RAB43: variants seen among roughly 807,000 people sequenced by gnomAD.
RAB43 encodes ras-related protein Rab-43.
RAB43 carries 6 observed loss-of-function variants against 18.8 expected under a neutral mutation model. That is an observed-to-expected ratio of 0.32 (90% CI 0.17 to 0.63). The LOEUF (loss-of-function observed/expected upper bound fraction) is 0.63. RAB43 is among the 30% of genes least tolerant of loss of function. The probability of loss-of-function intolerance (pLI) is 0.79; values close to 1 mark genes in which losing one functional copy is unlikely to be tolerated. For synonymous variants in RAB43, 103 were observed against 124.1 expected (o/e 0.83, Z 1.13); for missense variants, 195 against 289.1 (o/e 0.67, Z 2.36).
intron 1 of RAB43, among the ~76,000 whole-genome samples, chr3:129,106,326 T>C (rs191776513): frequency 6.6e-6 from 1 of 152,354 alleles, no homozygotes; most frequent in African/African-American, 2.4e-5. Flanking sequence ...CTGGTCAGAC[T>C]GACCCAAATA....
At chr3:129,099,818 A>G (rs1576824833) in intron 1 of RAB43, among the ~76,000 whole-genome samples, 4 of 152,212 alleles carry the variant, frequency 2.6e-5, no homozygotes, top group African/African-American at 9.7e-5. Flanking sequence ...AAAAATCAAT[A>G]AAGAGTTAAT....
chr3:129,094,294 C>T (rs1292089357), intron 2 of RAB43, among the ~76,000 whole-genome samples: 1 of 152,074 alleles, frequency 6.6e-6, no homozygotes, highest in Non-Finnish European at 1.5e-5. Flanking sequence ...GACTTGAGGT[C>T]AGCAGAAGCA....
At chr3:129,108,372 A>G (rs1401803601) in intron 1 of RAB43, among the ~76,000 whole-genome samples, 3 of 152,242 alleles carry the variant, frequency 2.0e-5, no homozygotes, top group Admixed American at 6.5e-5. Flanking sequence ...TTGTCAGGCC[A>G]TGCAGTCCAA....
chr3:129,103,281 T>C (rs1934549337), intron 1 of RAB43, among the ~76,000 whole-genome samples: 3 of 152,090 alleles, frequency 2.0e-5, no homozygotes, highest in African/African-American at 7.2e-5. Flanking sequence ...CTCCAGCCTC[T>C]TACCAGGGTC....
chr3:129,103,710 G>T (rs909580190), intron 1 of RAB43, among the ~76,000 whole-genome samples: 2 of 152,104 alleles, frequency 1.3e-5, no homozygotes, highest in Non-Finnish European at 2.9e-5. Context: ...GATTACAGGT[G>T]TGTGCCACCA....
In RAB43 at chr3:129,095,596, C is replaced by T. The variant is rs1933993828; in HGVS notation, c.205-427G>A. ...CCCTCCCCTACAAGAGCATCACGTA[C>T]CCAGCTGTGTGTGAGGCTCCTCCAG... On this transcript the variant is annotated intron_variant, in intron 1 of 2. Transcript: ENST00000315150. This position sits in a 1 kb window ranked among gnomAD's most constrained non-coding sequence, Gnocchi z 4.2. 6.6e-6 allele frequency among the ~76,000 whole-genome samples: 1 copy of T among 152,222 alleles called. No individual in the cohort carries two copies. Among genetic ancestry groups the T allele is most frequent in the Admixed American group, 6.5e-5 (1 of 15,282 alleles).
At chr3:129,097,490 C>A (rs1048197882) in intron 1 of RAB43, among the ~76,000 whole-genome samples, 3 of 152,142 alleles carry the variant, frequency 2.0e-5, no homozygotes, top group Non-Finnish European at 4.4e-5. Context: ...ATACAGTCCT[C>A]GAAAAATTCA....
chr3:129,097,106 G>A (rs1027299962), intron 1 of RAB43, among the ~76,000 whole-genome samples: 2 of 151,976 alleles, frequency 1.3e-5, no homozygotes, highest in Non-Finnish European at 2.9e-5. Flanking sequence ...GAGTGAGTGA[G>A]ACTGTCTCAA....
At chr3:129,097,544 A>G (rs955144941) in intron 1 of RAB43, among the ~76,000 whole-genome samples, 2 of 152,312 alleles carry the variant, frequency 1.3e-5, no homozygotes, top group Middle Eastern at 3.4e-3. Context: ...AAGTTCCTCT[A>G]CCTAAAGAAA....
At chr3:129,113,448 GC>G (rs1374225936) in intron 1 of RAB43, among the ~76,000 whole-genome samples, 1 of 152,104 alleles carries the variant, frequency 6.6e-6, no homozygotes, top group Non-Finnish European at 1.5e-5. Context: ...ACAGGCATGA[GC>G]CACTACACTC....
Position 129,095,292 on chromosome 3 carries a change from CT to C in RAB43, c.205-124del. ...ACTGGGCTAGGAGGCCTTCTGAGTC[CT>C]TAGAAAGCAACTCAATGGCTCAACC... On this transcript the variant is annotated intron_variant, in intron 1 of 2. Transcript: ENST00000315150. The surrounding 1 kb of genome is among the most constrained non-coding windows in gnomAD (Gnocchi z 4.2). The C allele has an allele frequency of 1.5e-6, 2 of 1,355,134 alleles. No homozygotes were observed. Among genetic ancestry groups the C allele is most frequent in the East Asian group, 2.5e-5 (1 of 39,750 alleles). The allele number at this position is 1,355,134 out of a possible 1,614,324, so 83.9% of individuals were successfully genotyped here. A position where few individuals can be genotyped will look rare whatever the true frequency, so the allele number is the denominator to read the frequency against.
rs1315111275 is a variant in RAB43 at position 129,121,599 on chromosome 3, G to C, written c.-110C>G. On this transcript the variant is annotated 5_prime_UTR_variant, in exon 1 of 3. Coordinates refer to ENST00000315150, the MANE Select transcript of RAB43 (RefSeq NM_198490.3). ...TCCAGCCCACGGGCCGCCTGGCTAC[G>C]TGGAGCCGCCGCAACACCTGAACCC... 2 of 889,982 alleles carry C rather than the reference G, an allele frequency of 2.2e-6. No individual in the cohort carries two copies. The highest frequency in any genetic ancestry group is 3.6e-5 in the African/African-American group (2 of 55,970). 55.1% of individuals were successfully genotyped at this position (889,982 alleles called of 1,614,324 possible). A position where few individuals can be genotyped will look rare whatever the true frequency, so the allele number is the denominator to read the frequency against.
In RAB43 at chr3:129,108,465, CACCAGAG is replaced by C. The variant is rs1934931998; in HGVS notation, c.204+12814_204+12820del. 3.3e-5 allele frequency among the ~76,000 whole-genome samples: 5 copies of C among 152,378 alleles called. No individual in the cohort carries two copies. In the East Asian group the frequency reaches 9.6e-4, roughly 29 times the overall value. On this transcript the variant is annotated intron_variant, in intron 1 of 2. Coordinates refer to ENST00000315150, the MANE Select transcript of RAB43 (RefSeq NM_198490.3). ...ATTACCTGTCTACATATATTTTCTC[CACCAGAG>C]GTGAGTCCCCAGAGACTGCCTCTTA...
chr3:129,119,119 C>T (rs563450635), intron 1 of RAB43, among the ~76,000 whole-genome samples: 20 of 152,188 alleles, frequency 1.3e-4, no homozygotes, highest in African/African-American at 4.1e-4. Flanking sequence ...GAAGGTTTAC[C>T]GTGTGTAAAT....
chr3:129,092,573 C>T (rs1291421758), intron 2 of RAB43: 1 of 689,652 alleles, frequency 1.5e-6, no homozygotes, highest in Non-Finnish European at 2.6e-6. Context: ...TCAGCCTGGG[C>T]AACATAGCAG....
At chr3:129,112,645 T>G (rs765178887) in intron 1 of RAB43, among the ~76,000 whole-genome samples, 1 of 152,338 alleles carries the variant, frequency 6.6e-6, no homozygotes, top group Middle Eastern at 3.4e-3. Context: ...CAGCTGCCAG[T>G]GCCCAGCACA....
Position 129,095,041 on chromosome 3 carries a change from G to A in RAB43, c.333C>T (p.His111=), listed in dbSNP as rs1369165135. ...CATACTTCCTCACATCCTCAATCCA[G>A]TGAGGCACCGACAGGAAGGAGCTCC... ...TKRSSFLSVP[H]WIEDVRKYAG... Residue 111 remains histidine (H), a synonymous_variant, in exon 2 of 3, where the codon CAC becomes CAT. Coordinates refer to ENST00000315150, the MANE Select transcript of RAB43 (RefSeq NM_198490.3). This position sits in a 1 kb window ranked among gnomAD's most constrained non-coding sequence, Gnocchi z 4.2. The A allele has an allele frequency of 3.1e-6, 5 of 1,613,786 alleles. No homozygotes were observed. The highest frequency in any genetic ancestry group is 4.2e-6 in the Non-Finnish European group (5 of 1,179,780).
chr3:129,110,207 A>G (rs1011512506), intron 1 of RAB43, among the ~76,000 whole-genome samples: 3 of 152,192 alleles, frequency 2.0e-5, no homozygotes, highest in Non-Finnish European at 4.4e-5. Flanking sequence ...ATGAATTTAA[A>G]ACTTAATAAA....
chr3:129,096,219 C>A (rs756386676), intron 1 of RAB43, among the ~76,000 whole-genome samples: 2 of 152,228 alleles, frequency 1.3e-5, no homozygotes, highest in Non-Finnish European at 2.9e-5. Context: ...GGAAAAGCCA[C>A]AGAGGCCCAG....
Sources: gnomAD v4.1 joint callset for allele counts (sites outside exome capture counted in the v4.1 genomes callset) on GRCh38, gnomAD v4.1.1 for gene constraint, Gnocchi (gnomAD v3.1) non-coding constraint, MANE v1.5 for transcripts, NCBI Gene and HGNC (gene_info 2026-07-23, HGNC 2026-07-21) for gene names.